KCNH5: variants seen among roughly 807,000 people sequenced by gnomAD.
The protein encoded by KCNH5 is potassium voltage-gated channel subfamily H member 5.
Under a neutral mutation model 96.1 loss-of-function variants are expected in KCNH5, and 46 were observed. That is an observed-to-expected ratio of 0.48 (90% CI 0.38 to 0.61). KCNH5 has a LOEUF of 0.61. Ranked by LOEUF, KCNH5 falls within the 20% of genes least tolerant of loss-of-function variation. KCNH5 has a pLI of 0.00. For missense variants in KCNH5, 907 were observed against 1,225.8 expected (o/e 0.74, Z 3.88); for synonymous variants, 439 against 449.8 (o/e 0.98, Z 0.30).
intron 1 of KCNH5, among the ~76,000 whole-genome samples, chr14:63,032,056 A>C (rs1891638635): frequency 1.3e-5 from 2 of 151,072 alleles, no homozygotes; most frequent in African/African-American, 4.9e-5. Context: ...TAGAGTACTG[A>C]GGAACAAAGA....
chr14:62,985,620 T>G (rs1342719000), intron 5 of KCNH5, among the ~76,000 whole-genome samples: 2 of 152,228 alleles, frequency 1.3e-5, no homozygotes, highest in African/African-American at 4.8e-5. Context: ...ATTATGGTTA[T>G]AGAAGACATG....
intron 8 of KCNH5, among the ~76,000 whole-genome samples, chr14:62,802,842 C>T (rs1886692556): frequency 6.6e-6 from 1 of 152,020 alleles, no homozygotes; most frequent in East Asian, 1.9e-4. Flanking sequence ...TATGGATCTC[C>T]CCTCAGAAAG....
Position 62,779,719 on chromosome 14 carries a change from A to G in KCNH5, c.2019+9T>C, listed in dbSNP as rs1207646695. 5.6e-6 allele frequency: 9 copies of G among 1,606,312 alleles called. No individual in the cohort carries two copies. Among genetic ancestry groups the G allele is most frequent in the Middle Eastern group, 1.7e-4 (1 of 6,042 alleles). ...CACTAATAAGAAAAAGCAGACCCAG[A>G]GAACATACCCGTTTCCTCAGATTGC... On this transcript the variant is annotated intron_variant, in intron 10 of 10. Coordinates refer to ENST00000322893, the MANE Select transcript of KCNH5 (RefSeq NM_139318.5).
intron 9 of KCNH5, among the ~76,000 whole-genome samples, chr14:62,791,028 C>A (rs1886423537): frequency 6.6e-6 from 1 of 151,698 alleles, no homozygotes; most frequent in African/African-American, 2.4e-5. Flanking sequence ...GAAGTGGTAA[C>A]AGCAGGCATC....
At chr14:62,872,637 G>C (rs187855891) in intron 7 of KCNH5, among the ~76,000 whole-genome samples, 161 of 152,258 alleles carry the variant, frequency 1.1e-3, no homozygotes, top group Non-Finnish European at 1.3e-4. Context: ...AGGTTGCAGT[G>C]AGCAGATACC....
In KCNH5 at chr14:62,702,335, G is replaced by A. The variant is rs889408344; in HGVS notation, c.*5173C>T. ...ACCAAACATTTACATTCACATTATC[G>A]AGTGCAATTTTTAAGAATTATTTTA... On this transcript the variant is annotated 3_prime_UTR_variant, in exon 11 of 11. Transcript: ENST00000322893. The A allele has an allele frequency of 1.3e-5, 2 of 151,914 alleles. No individual in the cohort carries two copies. The highest frequency in any genetic ancestry group is 2.9e-5 in the Non-Finnish European group (2 of 67,892). The allele number at this position is 151,914 out of a possible 1,614,324, so 9.4% of individuals were successfully genotyped here. A position where few individuals can be genotyped will look rare whatever the true frequency, so the allele number is the denominator to read the frequency against.
At chr14:63,026,020 A>G (rs540516869) in intron 1 of KCNH5, among the ~76,000 whole-genome samples, 2 of 152,106 alleles carry the variant, frequency 1.3e-5, no homozygotes, top group Non-Finnish European at 2.9e-5. Context: ...ATAGACACAA[A>G]GACAAATAAA....
intron 8 of KCNH5, among the ~76,000 whole-genome samples, chr14:62,841,524 G>GTATA (rs139758930): frequency 2.0e-5 from 3 of 152,090 alleles, no homozygotes; most frequent in South Asian, 4.2e-4. Context: ...TGTACAATGT[G>GTATA]TATATATATA....
At chr14:62,978,154 T>C (rs950415033) in intron 6 of KCNH5, among the ~76,000 whole-genome samples, 4 of 152,146 alleles carry the variant, frequency 2.6e-5, no homozygotes, top group African/African-American at 9.7e-5. Flanking sequence ...ACAGAAAGTT[T>C]TTTAAAAAGG....
chr14:62,729,187 C>G (rs1185089802), intron 10 of KCNH5, among the ~76,000 whole-genome samples: 1 of 152,134 alleles, frequency 6.6e-6, no homozygotes, highest in Non-Finnish European at 1.5e-5. Context: ...CTTCCTGATT[C>G]TAACTGTCAG....
At chr14:62,970,418 A>C (rs1890384996) in intron 6 of KCNH5, among the ~76,000 whole-genome samples, 1 of 152,318 alleles carries the variant, frequency 6.6e-6, no homozygotes, top group South Asian at 2.1e-4. Context: ...TTAAGGAATA[A>C]ATTATACCAA....
chr14:62,793,629 C>A (rs1886480126), intron 9 of KCNH5, among the ~76,000 whole-genome samples: 1 of 151,526 alleles, frequency 6.6e-6, no homozygotes, highest in African/African-American at 2.4e-5. Flanking sequence ...TTTTCCTTTA[C>A]CTTATGCTAT....
chr14:62,965,457 C>T (rs1890288114), intron 6 of KCNH5, among the ~76,000 whole-genome samples: 1 of 152,100 alleles, frequency 6.6e-6, no homozygotes, highest in Non-Finnish European at 1.5e-5. Flanking sequence ...GTCTGCTTGT[C>T]CTTTGACTTT....
intron 8 of KCNH5, among the ~76,000 whole-genome samples, chr14:62,813,762 G>A (rs1886918455): frequency 6.6e-6 from 1 of 152,174 alleles, no homozygotes; most frequent in Non-Finnish European, 1.5e-5. Context: ...TCAGGCAAGT[G>A]ACATTTGCAC....
chr14:62,870,351 T>C (rs185064964), intron 7 of KCNH5, among the ~76,000 whole-genome samples: 27 of 152,330 alleles, frequency 1.8e-4, no homozygotes, highest in African/African-American at 6.3e-4. Flanking sequence ...TTACCTGCTA[T>C]ATATACAAAT....
At chr14:62,915,326 ATTTCAGGTCT>A (rs1040292902) in intron 7 of KCNH5, among the ~76,000 whole-genome samples, 10 of 152,192 alleles carry the variant, frequency 6.6e-5, no homozygotes, top group African/African-American at 2.2e-4. Flanking sequence ...TGAATAGAAT[ATTTCAGGTCT>A]ATAAGGTTCC....
intron 4 of KCNH5, among the ~76,000 whole-genome samples, chr14:62,992,829 T>C (rs1890835795): frequency 6.6e-6 from 1 of 152,090 alleles, no homozygotes; most frequent in Admixed American, 6.6e-5. Context: ...TTAAGTTCCA[T>C]ATGTCTGTTT....
chr14:62,991,842 T>C (rs889921221), intron 4 of KCNH5, among the ~76,000 whole-genome samples: 1 of 152,040 alleles, frequency 6.6e-6, no homozygotes, highest in Non-Finnish European at 1.5e-5. Context: ...TTCTTTTTAA[T>C]TTATATAAAG....
At chr14:62,795,515 C>T (rs1886522429) in intron 9 of KCNH5, among the ~76,000 whole-genome samples, 1 of 152,104 alleles carries the variant, frequency 6.6e-6, no homozygotes, top group African/African-American at 2.4e-5. Context: ...ATTTTAAATA[C>T]ACAGGATGAT....
Sources: gnomAD v4.1 joint callset for allele counts (sites outside exome capture counted in the v4.1 genomes callset) on GRCh38, gnomAD v4.1.1 for gene constraint, MANE v1.5 for transcripts, NCBI Gene and HGNC (gene_info 2026-07-23, HGNC 2026-07-21) for gene names.